CFLAR: variants seen among roughly 807,000 people sequenced by gnomAD.
The protein encoded by CFLAR is CASP8 and FADD-like apoptosis regulator.
CFLAR carries 14 observed loss-of-function variants against 51.1 expected under a neutral mutation model. The observed-to-expected ratio is 0.27, with a 90% CI of 0.18 to 0.43. The LOEUF is 0.43. Ranked by LOEUF, CFLAR falls within the 20% of genes least tolerant of loss-of-function variation. The pLI is 1.00. For missense variants in CFLAR, 390 were observed against 566.5 expected (o/e 0.69, Z 3.16); for synonymous variants, 210 against 211.6 (o/e 0.99, Z 0.06).
intron 1 of CFLAR, among the ~76,000 whole-genome samples, chr2:201,126,572 G>A (rs2048737102): frequency 1.3e-5 from 2 of 152,184 alleles, no homozygotes; most frequent in South Asian, 4.1e-4. Flanking sequence ...AACAGCGTTA[G>A]TAAAAACAAG....
At chr2:201,161,244 G>A (rs978373352) in intron 9 of CFLAR, among the ~76,000 whole-genome samples, 2 of 152,078 alleles carry the variant, frequency 1.3e-5, no homozygotes, top group Non-Finnish European at 2.9e-5. Flanking sequence ...GGTGGTGTGC[G>A]CTTATAGTCC....
At chr2:201,136,146 T>G in intron 4 of CFLAR, 39 bp downstream of exon 4, 1 of 1,612,740 alleles carries the variant, frequency 6.2e-7, no homozygotes, top group Non-Finnish European at 8.5e-7. Context: ...GGGGAAGTAC[T>G]CTGTGCATGG....
intron 4 of CFLAR, chr2:201,140,083 G>GT (rs1938247089): frequency 1.2e-5 from 3 of 243,848 alleles, no homozygotes; most frequent in South Asian, 5.8e-5. Context: ...CGACGCGGAG[G>GT]CGCGCCGCTG....
chr2:201,130,528 A>T (rs1318399702), intron 2 of CFLAR, among the ~76,000 whole-genome samples: 10 of 149,376 alleles, frequency 6.7e-5, no homozygotes, highest in Non-Finnish European at 1.3e-4. Context: ...TGCCTGGCTA[A>T]TTTTTTTTTG....
intron 3 of CFLAR, among the ~76,000 whole-genome samples, chr2:201,133,748 G>A (rs1004035221): frequency 6.6e-5 from 10 of 151,872 alleles, no homozygotes; most frequent in Non-Finnish European, 1.0e-4. Context: ...GGCTAACACG[G>A]TGAAACCCTA....
rs1391526642 is a variant in CFLAR, at chr2:201,130,093, A to G, written c.228A>G (p.Arg76=). 6.2e-7 allele frequency: 1 copy of G among 1,612,976 alleles called. No homozygotes were observed. Among genetic ancestry groups the G allele is most frequent in the South Asian group, 1.1e-5 (1 of 91,014 alleles). Residue 76 remains arginine (R), a synonymous_variant, in exon 2 of 10, where the codon AGA becomes AGG. Coordinates refer to ENST00000309955, the MANE Select transcript of CFLAR (RefSeq NM_003879.7). ...TCAAACGTATCTTGAAGATGGACAG[A>G]AAAGCTGTGGAGACCCACCTGCTCA... ...DLLKRILKMD[R]KAVETHLLRN... is the part of the protein sequence containing the mutation.
chr2:201,126,681 G>A (rs373266360), intron 1 of CFLAR, among the ~76,000 whole-genome samples: 1 of 152,326 alleles, frequency 6.6e-6, no homozygotes, highest in African/African-American at 2.4e-5. Context: ...GCTGAGGCAA[G>A]GTTGTTGCAG....
intron 9 of CFLAR, among the ~76,000 whole-genome samples, chr2:201,161,712 G>A (rs1035917235): frequency 2.7e-5 from 4 of 148,342 alleles, no homozygotes; most frequent in African/African-American, 7.5e-5. Flanking sequence ...ACTGCGCCTG[G>A]CCACAAATTT....
At chr2:201,160,316 C>A in intron 8 of CFLAR, 116 bp from the exon 9 acceptor site, 2 of 1,148,514 alleles carry the variant, frequency 1.7e-6, no homozygotes, top group Non-Finnish European at 2.5e-6. Flanking sequence ...AAATATGACA[C>A]AAAAGCAGAA....
intron 9 of CFLAR, chr2:201,163,463 C>T: frequency 9.0e-7 from 1 of 1,116,920 alleles, no homozygotes; most frequent in South Asian, 2.7e-5. Context: ...TACCTGGCCT[C>T]CTTAGTGGTG....
At chr2:201,139,065 A>C (rs1937673183) in intron 4 of CFLAR, 1 of 402,758 alleles carries the variant, frequency 2.5e-6, no homozygotes, top group Non-Finnish European at 4.8e-6. Context: ...TAGACATAGG[A>C]GACTCCATTT....
At chr2:201,148,784 T>C in intron 6 of CFLAR, 1 of 467,040 alleles carries the variant, frequency 2.1e-6, no homozygotes, top group Non-Finnish European at 3.9e-6. Flanking sequence ...TAAGCAGCTT[T>C]TCCAGATAGC....
At chr2:201,125,767 T>G (rs1414569801) in intron 1 of CFLAR, among the ~76,000 whole-genome samples, 1 of 152,086 alleles carries the variant, frequency 6.6e-6, no homozygotes, top group South Asian at 2.1e-4. Flanking sequence ...GGGGCCCAGC[T>G]CAGGAAACCA....
At position 201,124,282 on chromosome 2, in the gene CFLAR, A is replaced by C. The variant is rs1213406747; in HGVS notation, c.-137-5447A>C. Among the ~76,000 whole-genome samples the C allele has an allele frequency of 6.6e-6, 1 of 152,184 alleles. No individual in the cohort carries two copies. The highest frequency in any genetic ancestry group is 1.9e-4 in the East Asian group (1 of 5,200). ...ATTTGCTGACACCTGGTTAGGGCTAATGTGGGTACCAGGGAAGTGTGTTAA... is the reference window on the plus strand; with the variant it reads ...ATTTGCTGACACCTGGTTAGGGCTACTGTGGGTACCAGGGAAGTGTGTTAA... On this transcript the variant is annotated intron_variant, in intron 1 of 9. Transcript: ENST00000309955. This position sits in a 1 kb window ranked among gnomAD's most constrained non-coding sequence, Gnocchi z 4.7.
At chr2:201,151,815 T>C (rs550348805) in intron 8 of CFLAR, among the ~76,000 whole-genome samples, 4 of 152,162 alleles carry the variant, frequency 2.6e-5, no homozygotes, top group African/African-American at 9.6e-5. Context: ...GTTGCTGGGT[T>C]ATGGGCCTCT....
At chr2:201,123,725 T>G (rs926965966) in intron 1 of CFLAR, among the ~76,000 whole-genome samples, 1 of 152,248 alleles carries the variant, frequency 6.6e-6, no homozygotes, top group African/African-American at 2.4e-5. Context: ...TATGTCATTT[T>G]ATAACTGGGA....
chr2:201,130,894 C>CT lies in CFLAR; in HGVS notation c.281+749dup, dbSNP rs1559184479. 4.6e-5 allele frequency among the ~76,000 whole-genome samples: 7 copies of CT among 152,326 alleles called. No individual in the cohort carries two copies. The South Asian group carries it at 1.4e-3, about 32-fold the overall frequency. On this transcript the variant is annotated intron_variant, in intron 2 of 9. Transcript: ENST00000309955. Reference sequence around the variant, plus strand: ...GGTACAAAGAAAGGAAATAACAAGTCTGACAGTAATCTTCCTACCTTTGTA... The same window carrying CT: ...GGTACAAAGAAAGGAAATAACAAGTCTTGACAGTAATCTTCCTACCTTTGTA...
chr2:201,151,123 TGTCA>T (rs1286003241), intron 8 of CFLAR: 4 of 152,232 alleles, frequency 2.6e-5, no homozygotes, highest in Admixed American at 1.3e-4. Context: ...TTCTGAGCTG[TGTCA>T]GTCAGTTCTG....
At chr2:201,135,756 C>T (rs1273695016) in intron 3 of CFLAR, among the ~76,000 whole-genome samples, 1 of 152,100 alleles carries the variant, frequency 6.6e-6, no homozygotes, top group African/African-American at 2.4e-5. Flanking sequence ...TCCTGAGTAG[C>T]TGGGACCACA....
Sources: allele counts gnomAD v4.1 joint callset (sites outside exome capture counted in the v4.1 genomes callset), GRCh38; gene constraint gnomAD v4.1.1; non-coding constraint Gnocchi (gnomAD v3.1); transcripts MANE v1.5; gene names NCBI Gene and HGNC (gene_info 2026-07-23, HGNC 2026-07-21).